GATA4: variants seen among roughly 807,000 people sequenced by gnomAD.
GATA4 encodes GATA binding protein 4.
Under a neutral mutation model 37.9 loss-of-function variants are expected in GATA4, and 7 were observed. That is an observed-to-expected ratio of 0.18 (90% CI 0.11 to 0.35). The LOEUF is 0.35. GATA4 is among the 10% of genes least tolerant of loss of function. GATA4 has a pLI of 1.00. For synonymous variants in GATA4, 372 were observed against 292.6 expected (o/e 1.27, Z -2.77); for missense variants, 647 against 653.0 (o/e 0.99, Z 0.10).
intron 2 of GATA4, among the ~76,000 whole-genome samples, chr8:11,735,690 G>T (rs1801420918): frequency 6.6e-6 from 1 of 152,148 alleles, no homozygotes; most frequent in Non-Finnish European, 1.5e-5. Flanking sequence ...AGCCTCCCCA[G>T]TAGCTGGGAT....
At chr8:11,697,490 G>C (rs1799540397) in intron 1 of GATA4, 1 of 931,636 alleles carries the variant, frequency 1.1e-6, no homozygotes, top group Non-Finnish European at 1.3e-6. Context: ...GGGGAGCAGC[G>C]CTCTCGGTGG....
chr8:11,731,197 C>A (rs1045890114), intron 2 of GATA4, among the ~76,000 whole-genome samples: 2 of 152,212 alleles, frequency 1.3e-5, no homozygotes, highest in Non-Finnish European at 2.9e-5. Context: ...CTGGCTGGAT[C>A]AGCAAAACCA....
chr8:11,709,499 G>A lies in GATA4; in HGVS notation c.616+571G>A, dbSNP rs1394381425. Among the ~76,000 whole-genome samples, 1 of 151,942 alleles carries A rather than the reference G, an allele frequency of 6.6e-6. No individual in the cohort carries two copies. Among genetic ancestry groups the A allele is most frequent in the African/African-American group, 2.4e-5 (1 of 41,368 alleles). ...AGGAGGGATGGACAAAGGAGACGCCGGGGAGATGCGCGGAACAGGAGCCGG... is the reference window on the plus strand; with the variant it reads ...AGGAGGGATGGACAAAGGAGACGCCAGGGAGATGCGCGGAACAGGAGCCGG... On this transcript the variant is annotated intron_variant, in intron 2 of 6. Transcript: ENST00000532059. This position sits in a 1 kb window ranked among gnomAD's most constrained non-coding sequence, Gnocchi z 4.3.
chr8:11,680,347 G>T (rs11783999), intron 1 of GATA4, among the ~76,000 whole-genome samples: 8,927 of 152,322 alleles, frequency 0.059, 368 homozygotes, highest in South Asian at 0.12. Context: ...CCCTGGAGCC[G>T]GGGAATCTCT....
chr8:11,726,678 G>A (rs1403092935), intron 2 of GATA4, among the ~76,000 whole-genome samples: 3 of 152,174 alleles, frequency 2.0e-5, no homozygotes, highest in Admixed American at 6.5e-5. Flanking sequence ...TTCTGATGCA[G>A]TTGGAGGCCT....
chr8:11,690,686 A>G (rs568152047), upstream of GATA4, among the ~76,000 whole-genome samples: 2 of 152,338 alleles, frequency 1.3e-5, no homozygotes, highest in Non-Finnish European at 2.9e-5. Flanking sequence ...CCTGGTCAAC[A>G]TAGTGAGACC....
At chr8:11,745,314 C>A (rs1801974649) in intron 2 of GATA4, among the ~76,000 whole-genome samples, 1 of 150,312 alleles carries the variant, frequency 6.7e-6, no homozygotes, top group Non-Finnish European at 1.5e-5. Flanking sequence ...TGGCTCACGC[C>A]CATAATCCCA....
chr8:11,703,019 G>T (rs116907904), upstream of GATA4, among the ~76,000 whole-genome samples: 231 of 152,280 alleles, frequency 1.5e-3, no homozygotes, highest in Middle Eastern at 6.8e-3. Context: ...CTTCACTCAG[G>T]CTGGGAATCC....
intron 1 of GATA4, among the ~76,000 whole-genome samples, chr8:11,695,622 A>C (rs1799486422): frequency 6.6e-6 from 1 of 152,160 alleles, no homozygotes; most frequent in South Asian, 2.1e-4. Flanking sequence ...CTCAGTTTCC[A>C]AGGACTGACT....
upstream of GATA4, among the ~76,000 whole-genome samples, chr8:11,699,183 G>A (rs1799594261): frequency 6.6e-6 from 1 of 151,786 alleles, no homozygotes; most frequent in Non-Finnish European, 1.5e-5. Context: ...CGGTGCATGT[G>A]TGTGGACAGC....
intron 2 of GATA4, among the ~76,000 whole-genome samples, chr8:11,726,126 A>G (rs1460641338): frequency 6.6e-6 from 1 of 152,234 alleles, no homozygotes; most frequent in Non-Finnish European, 1.5e-5. Flanking sequence ...CTTCACAGAA[A>G]AGATGCAGCC....
chr8:11,680,748 G>A (rs970696852), intron 1 of GATA4: 4 of 985,172 alleles, frequency 4.1e-6, no homozygotes, highest in Admixed American at 1.2e-4. Context: ...AGGAGAGCCC[G>A]GCTTCTGCGC....
intron 2 of GATA4, among the ~76,000 whole-genome samples, chr8:11,716,094 C>T (rs1003152639): frequency 6.6e-6 from 1 of 152,160 alleles, no homozygotes; most frequent in African/African-American, 2.4e-5. Flanking sequence ...GTGTAGACCA[C>T]GTTTTGTTTA....
At position 11,749,057 on chromosome 8, in the gene GATA4, G is replaced by A. The variant is rs1435631810; in HGVS notation, c.758G>A (p.Arg253Gln). ...GLYHKMNGINRPLIKPQRRLS... is the reference protein window; with the variant it reads ...GLYHKMNGINQPLIKPQRRLS... ...TACCACAAGATGAACGGCATCAACCGGCCGCTCATCAAGCCTCAGCGCCGG... is the reference window on the plus strand; with the variant it reads ...TACCACAAGATGAACGGCATCAACCAGCCGCTCATCAAGCCTCAGCGCCGG... The change falls in exon 3 of 7, where the codon CGG becomes CAG. Residue 253 changes from arginine to glutamine, a missense_variant. Physicochemically the swap from Arg to Gln is conservative, Grantham distance 43. Around this residue, in one of 5 missense-constraint regions of GATA4, gnomAD observed 56 missense variants for 64.5 expected, o/e 0.87. Coordinates refer to ENST00000532059, the MANE Select transcript of GATA4 (RefSeq NM_001308093.3). This position sits in a 1 kb window ranked among gnomAD's most constrained non-coding sequence, Gnocchi z 4.6. The A allele has an allele frequency of 6.2e-7, 1 of 1,614,080 alleles. No homozygotes were observed.
At position 11,707,004 on chromosome 8, in the gene GATA4, C is replaced by T. The variant is rs868805642; in HGVS notation, c.-457-852C>T. On this transcript the variant is annotated intron_variant, in intron 1 of 6. Coordinates refer to ENST00000532059, the MANE Select transcript of GATA4 (RefSeq NM_001308093.3). This position sits in a 1 kb window ranked among gnomAD's most constrained non-coding sequence, Gnocchi z 4.7. ...ATATAATCAAGTTCCACAAACTGCTCTTTCCCCAAGCACCCACCTTGGTGT... is the reference window on the plus strand; with the variant it reads ...ATATAATCAAGTTCCACAAACTGCTTTTTCCCCAAGCACCCACCTTGGTGT... Among the ~76,000 whole-genome samples, 1 of 152,178 alleles carries T rather than the reference C, an allele frequency of 6.6e-6. No homozygotes were observed. The highest frequency in any genetic ancestry group is 2.1e-4 in the South Asian group (1 of 4,828).
intron 1 of GATA4, among the ~76,000 whole-genome samples, chr8:11,693,468 A>G (rs1313976716): frequency 6.9e-6 from 1 of 144,462 alleles, no homozygotes; most frequent in Admixed American, 7.0e-5. Context: ...AAAGAGAGAA[A>G]GGGAGAAAGA....
chr8:11,725,361 C>A (rs1338330332), intron 2 of GATA4, among the ~76,000 whole-genome samples: 1 of 152,210 alleles, frequency 6.6e-6, no homozygotes, highest in Non-Finnish European at 1.5e-5. Context: ...GACTGTCTCA[C>A]CCCCAGTCCT....
intron 2 of GATA4, among the ~76,000 whole-genome samples, chr8:11,735,995 C>T (rs10101661): frequency 0.68 from 103,898 of 152,058 alleles, 35,865 homozygotes; most frequent in East Asian, 0.85. Flanking sequence ...GCTTGCAGGC[C>T]TGAAGTCCCA....
intron 5 of GATA4, 174 bp from the exon 6 acceptor site, chr8:11,756,761 A>C: frequency 1.2e-6 from 1 of 823,406 alleles, no homozygotes; most frequent in Admixed American, 1.9e-5. Context: ...AGATAGGGGG[A>C]AGAAGCCATC....
Sources: gnomAD v4.1 joint callset for allele counts (sites outside exome capture counted in the v4.1 genomes callset) on GRCh38, gnomAD v4.1.1 for gene constraint, gnomAD v4.1.1 regional missense constraint, Gnocchi (gnomAD v3.1) non-coding constraint, MANE v1.5 for transcripts, NCBI Gene and HGNC (gene_info 2026-07-23, HGNC 2026-07-21) for gene names.